SH2D4A: variants seen among roughly 807,000 people sequenced by gnomAD.
The protein encoded by SH2D4A is SH2 domain containing 4A.
Under a neutral mutation model 64.7 loss-of-function variants are expected in SH2D4A, and 70 were observed. The ratio of observed to expected loss-of-function variants is 1.08; its 90% CI spans 0.89 to 1.32. The LOEUF (loss-of-function observed/expected upper bound fraction) is 1.32. Among genes scored for constraint, SH2D4A ranks in the 40% most tolerant of loss-of-function variants. The probability of loss-of-function intolerance (pLI) is 0.00; values close to 1 mark genes in which losing one functional copy is unlikely to be tolerated. For missense variants in SH2D4A, 706 were observed against 540.1 expected, an observed-to-expected ratio of 1.31 and a Z score of -3.04; for synonymous variants, 268 against 200.7, an observed-to-expected ratio of 1.34 and a Z score of -2.83.
chr8:19,350,894 A>G (rs993800336), intron 4 of SH2D4A, among the ~76,000 whole-genome samples: 5 of 152,200 alleles, frequency 3.3e-5, no homozygotes, highest in Admixed American at 3.3e-4. Flanking sequence ...TTGGAACAAT[A>G]TTAGAAAAAT....
rs530469588 is a variant in SH2D4A, at chr8:19,345,510, A to G, written c.513+10653A>G. ...GAGTGTGATAGGCAAACACAGTGGT[A>G]TGTGGCAAAGTCAACTCAATTTTAT... On this transcript the variant is annotated intron_variant, in intron 4 of 9. Coordinates refer to ENST00000265807, the MANE Select transcript of SH2D4A (RefSeq NM_022071.4). 3.0e-4 allele frequency among the ~76,000 whole-genome samples: 46 copies of G among 152,330 alleles called. No individual in the cohort carries two copies. In the South Asian group the frequency reaches 8.5e-3, roughly 28 times the overall value.
At chr8:19,377,527 A>G (rs2053215967) in intron 8 of SH2D4A, among the ~76,000 whole-genome samples, 1 of 152,214 alleles carries the variant, frequency 6.6e-6, no homozygotes, top group African/African-American at 2.4e-5. Flanking sequence ...ATATTGTAAT[A>G]AAAATATACA....
Position 19,395,210 on chromosome 8 carries a change from A to G in SH2D4A, c.*568A>G, listed in dbSNP as rs2053568290. On this transcript the variant is annotated 3_prime_UTR_variant, in exon 10 of 10. Coordinates refer to ENST00000265807, the MANE Select transcript of SH2D4A (RefSeq NM_022071.4). ...TTGAATGAGAGGCTTAACATGCATG[A>G]AAATACAGATGGACCTGCAGGAAAG... 1 of 152,270 alleles carries G rather than the reference A, an allele frequency of 6.6e-6. No individual in the cohort carries two copies. The highest frequency in any genetic ancestry group is 1.5e-5 in the Non-Finnish European group (1 of 68,064). The allele number at this position is 152,270 out of a possible 1,614,324, so 9.4% of individuals were successfully genotyped here.
At chr8:19,367,669 T>C (rs2053021454) in intron 7 of SH2D4A, among the ~76,000 whole-genome samples, 1 of 152,206 alleles carries the variant, frequency 6.6e-6, no homozygotes, top group South Asian at 2.1e-4. Context: ...TTCTGTAACT[T>C]GTCTCTTTAC....
chr8:19,368,076 C>A (rs1345731513), intron 7 of SH2D4A, among the ~76,000 whole-genome samples: 1 of 152,140 alleles, frequency 6.6e-6, no homozygotes, highest in Non-Finnish European at 1.5e-5. Context: ...TTATACATGT[C>A]ACTATCTAGT....
chr8:19,371,195 T>C (rs2053089420), intron 7 of SH2D4A, among the ~76,000 whole-genome samples: 1 of 152,164 alleles, frequency 6.6e-6, no homozygotes, highest in Non-Finnish European at 1.5e-5. Context: ...ATAACAAAAA[T>C]CATGTTAGCA....
At chr8:19,391,967 C>T (rs898898708) in intron 8 of SH2D4A, among the ~76,000 whole-genome samples, 9 of 152,178 alleles carry the variant, frequency 5.9e-5, no homozygotes, top group African/African-American at 2.2e-4. Context: ...ACGCGTAGAA[C>T]GCTGCTCCTC....
At chr8:19,362,833 C>A (rs2052914568) in intron 6 of SH2D4A, among the ~76,000 whole-genome samples, 2 of 152,092 alleles carry the variant, frequency 1.3e-5, no homozygotes, top group African/African-American at 4.8e-5. Context: ...GGGTTGCATA[C>A]ATTTTTAAAA....
intron 2 of SH2D4A, among the ~76,000 whole-genome samples, chr8:19,328,901 G>T (rs1346082147): frequency 1.3e-5 from 2 of 152,104 alleles, no homozygotes; most frequent in Non-Finnish European, 2.9e-5. Context: ...GGTAAAACTG[G>T]GATTTTGCTC....
chr8:19,358,829 A>G (rs1192678448), intron 5 of SH2D4A, among the ~76,000 whole-genome samples: 1 of 152,196 alleles, frequency 6.6e-6, no homozygotes, highest in Non-Finnish European at 1.5e-5. Context: ...ATATGGGCCC[A>G]GCGTGCCCTT....
chr8:19,325,056 C>G (rs2117186666), intron 2 of SH2D4A, among the ~76,000 whole-genome samples: 1 of 152,236 alleles, frequency 6.6e-6, no homozygotes, highest in East Asian at 1.9e-4. Flanking sequence ...ATGCAAAACC[C>G]AATTCACCAG....
rs556764252 is a variant in SH2D4A at position 19,335,149 on chromosome 8, G to A, written c.513+292G>A. Among the ~76,000 whole-genome samples the A allele has an allele frequency of 1.2e-3, 175 of 152,092 alleles. 1 individual carries two copies. The highest frequency in any genetic ancestry group is 2.6e-3 in the Admixed American group (40 of 15,276). ...ATACAAAAAAAAAAATTAGCTGGGC[G>A]TGGTGGCGGGCGCCTGCAGTCCCAG... is the stretch of plus-strand genomic sequence containing the variant. On this transcript the variant is annotated intron_variant, in intron 4 of 9. Coordinates refer to ENST00000265807, the MANE Select transcript of SH2D4A (RefSeq NM_022071.4).
intron 1 of SH2D4A, among the ~76,000 whole-genome samples, chr8:19,317,076 G>A (rs988805975): frequency 1.3e-5 from 2 of 152,140 alleles, no homozygotes; most frequent in Non-Finnish European, 2.9e-5. Flanking sequence ...TCAAAATGGG[G>A]AACACAGCAG....
intron 8 of SH2D4A, among the ~76,000 whole-genome samples, chr8:19,377,067 T>C (rs2053207937): frequency 6.6e-6 from 1 of 152,204 alleles, no homozygotes; most frequent in African/African-American, 2.4e-5. Flanking sequence ...ATTTACTTCA[T>C]ATCTGTTTTT....
chr8:19,385,525 C>A (rs2053374181), intron 8 of SH2D4A, among the ~76,000 whole-genome samples: 1 of 152,102 alleles, frequency 6.6e-6, no homozygotes. Flanking sequence ...TTGATTTCTT[C>A]CATTTTTTGA....
chr8:19,370,776 T>C (rs888548632), intron 7 of SH2D4A, among the ~76,000 whole-genome samples: 10 of 152,150 alleles, frequency 6.6e-5, no homozygotes, highest in African/African-American at 2.2e-4. Flanking sequence ...GCAATTTTCC[T>C]TCTTATTTTC....
chr8:19,371,692 A>T (rs2153649781), intron 7 of SH2D4A, among the ~76,000 whole-genome samples: 1 of 151,618 alleles, frequency 6.6e-6, no homozygotes, highest in African/African-American at 2.4e-5. Flanking sequence ...CTCTTTAATA[A>T]CTCCAATATT....
At chr8:19,384,732 T>G (rs2053353941) in intron 8 of SH2D4A, among the ~76,000 whole-genome samples, 1 of 152,190 alleles carries the variant, frequency 6.6e-6, no homozygotes, top group African/African-American at 2.4e-5. Context: ...GCTTTTAAAG[T>G]TCCCCAAGAC....
At chr8:19,335,287 C>T (rs1409711318) in intron 4 of SH2D4A, among the ~76,000 whole-genome samples, 2 of 151,618 alleles carry the variant, frequency 1.3e-5, no homozygotes, top group Non-Finnish European at 2.9e-5. Context: ...CAGAGCGAGA[C>T]TCCATCTCAA....
Sources: allele counts gnomAD v4.1 joint callset (sites outside exome capture counted in the v4.1 genomes callset), GRCh38; gene constraint gnomAD v4.1.1; transcripts MANE v1.5; gene names NCBI Gene and HGNC (gene_info 2026-07-23, HGNC 2026-07-21).